Variants in CD209 observed in about 807,000 individuals in gnomAD.
The protein encoded by CD209 is CD209 antigen.
A neutral mutation model predicts 44.7 loss-of-function variants in CD209; 31 were observed. That is an observed-to-expected ratio of 0.69 (90% CI 0.52 to 0.94). The LOEUF (loss-of-function observed/expected upper bound fraction) is 0.94, where lower values mean the gene tolerates loss of function less well. Among genes scored for constraint, CD209 ranks in the 40% least tolerant of loss-of-function variants. The pLI is 0.00. For missense variants in CD209, 407 were observed against 452.4 expected, an observed-to-expected ratio of 0.90 and a Z score of 0.91; for synonymous variants, 173 against 181.3, an observed-to-expected ratio of 0.95 and a Z score of 0.37.
intron 5 of CD209, 113 bp downstream of exon 5, chr19:7,744,828 T>A (rs2146320601): frequency 2.8e-6 from 4 of 1,436,288 alleles, no homozygotes; most frequent in Non-Finnish European, 3.8e-6. Flanking sequence ...TTCTCCTCCC[T>A]TCTTTCCAAG....
rs1473858855 is a variant in CD209, at chr19:7,741,717, T to G, written c.*1322A>C. The G allele has an allele frequency of 1.5e-6, 1 of 661,580 alleles. No individual in the cohort carries two copies. The highest frequency in any genetic ancestry group is 2.8e-6 in the Non-Finnish European group (1 of 360,424). 41.0% of individuals were successfully genotyped at this position (661,580 alleles called of 1,614,324 possible). A position where few individuals can be genotyped will look rare whatever the true frequency, so the allele number is the denominator to read the frequency against. ...CGGTGGAAAATGATGATTTGTGGTT[T>G]ATTTGAAATACAACAATGTCCAAGA... On this transcript the variant is annotated 3_prime_UTR_variant, in exon 7 of 7. Transcript: ENST00000315599.
chr19:7,743,900 G>A (rs1460058374), intron 6 of CD209, among the ~76,000 whole-genome samples: 1 of 147,834 alleles, frequency 6.8e-6, no homozygotes, highest in Non-Finnish European at 1.5e-5. Flanking sequence ...CCGGTGGCAG[G>A]CTCCTCCTGC....
rs753986681 is a variant in CD209 at position 7,744,074 on chromosome 19, C to T, written c.1013+33G>A. 6 of 1,512,026 alleles carry T rather than the reference C, an allele frequency of 4.0e-6. No homozygotes were observed. In the South Asian group the frequency reaches 6.7e-5, roughly 17 times the overall value. 93.7% of individuals were successfully genotyped at this position (1,512,026 alleles called of 1,614,324 possible). On this transcript the variant is annotated intron_variant, in intron 6 of 6. Coordinates refer to ENST00000315599, the MANE Select transcript of CD209 (RefSeq NM_021155.4). Reference sequence around the variant, plus strand: ...CAAATCAGAGTTTCACAATTCCAGCCCCAGTGGATAGGGTGCCCCTTCTGA... The same window carrying T: ...CAAATCAGAGTTTCACAATTCCAGCTCCAGTGGATAGGGTGCCCCTTCTGA...
At chr19:7,745,491 C>A in intron 4 of CD209, 27 bp downstream of exon 4, 1 of 1,612,256 alleles carries the variant, frequency 6.2e-7, no homozygotes, top group South Asian at 1.1e-5. Context: ...ATCTCAGGCC[C>A]AAGAAGCCCT....
intron 6 of CD209, among the ~76,000 whole-genome samples, chr19:7,743,554 A>G (rs1002790776): frequency 6.6e-6 from 1 of 151,566 alleles, no homozygotes; most frequent in African/African-American, 2.4e-5. Context: ...TGTACTAATC[A>G]CCCCAAGGCC....
Position 7,745,077 on chromosome 19 carries a change from G to A in CD209, c.764C>T (p.Pro255Leu), listed in dbSNP as rs1000683602. 6.2e-7 allele frequency: 1 copy of A among 1,614,236 alleles called. No individual in the cohort carries two copies. Among genetic ancestry groups the A allele is most frequent in the Non-Finnish European group, 8.5e-7 (1 of 1,180,044 alleles). Residue 255 changes from proline (P) to leucine (L), a missense_variant, in exon 5 of 7, where the codon CCC becomes CTC. Transcript: ENST00000315599. ...LKAAVERLCH[P>L]CPWEWTFFQG... ...GAAGAATGTCCATTCCCAGGGACAG[G>A]GGTGGCACAGGCGTTCTGTTGGGGG...
At position 7,740,643 on chromosome 19, in the gene CD209, G is replaced by A. The variant is rs1210621372; in HGVS notation, c.*2396C>T. 1.2e-5 allele frequency: 9 copies of A among 781,394 alleles called. No individual in the cohort carries two copies. Among genetic ancestry groups the A allele is most frequent in the Non-Finnish European group, 1.9e-5 (8 of 421,436 alleles). The allele number at this position is 781,394 out of a possible 1,614,324, so 48.4% of individuals were successfully genotyped here. A position where few individuals can be genotyped will look rare whatever the true frequency, so the allele number is the denominator to read the frequency against. The stretch of plus-strand genomic sequence containing the variant: ...ACAACTAGAAAAGCTATGGGGAAGA[G>A]AGAGGCAAAGATTACATGAGGAGTG... On this transcript the variant is annotated 3_prime_UTR_variant, in exon 7 of 7. Coordinates refer to ENST00000315599, the MANE Select transcript of CD209 (RefSeq NM_021155.4).
Position 7,740,775 on chromosome 19 carries a change from G to A in CD209, c.*2264C>T. On this transcript the variant is annotated 3_prime_UTR_variant, in exon 7 of 7. Transcript: ENST00000315599. The stretch of plus-strand genomic sequence containing the variant: ...AGAGCGAAAGTTAAAGGAACAATGG[G>A]AAGAACAGCAGAGGAAAGAGAGAGA... 1 of 761,238 alleles carries A rather than the reference G, an allele frequency of 1.3e-6. No individual in the cohort carries two copies. The highest frequency in any genetic ancestry group is 2.5e-6 in the Non-Finnish European group (1 of 407,168). 47.2% of individuals were successfully genotyped at this position (761,238 alleles called of 1,614,324 possible).
In CD209 at chr19:7,744,292, T is replaced by C. The variant is rs61058460; in HGVS notation, c.901-73A>G. The C allele has an allele frequency of 0.011, 12,629 of 1,161,672 alleles. 466 individuals carry two copies. The African/African-American group carries it at 0.12, about 11-fold the overall frequency. 72.0% of individuals were successfully genotyped at this position (1,161,672 alleles called of 1,614,324 possible). ...CAGGCTCTGTCTCCCCATCTCTTGG[T>C]AGGAAGTTCTGCTTGTAGGCTAACC... is the stretch of plus-strand genomic sequence containing the variant. On this transcript the variant is annotated intron_variant, in intron 5 of 6. Transcript: ENST00000315599.
In CD209 at chr19:7,745,532, A is replaced by C. The variant is rs1475284258; in HGVS notation, c.734T>G (p.Leu245Arg). Residue 245 changes from leucine to arginine, a missense_variant, in exon 4 of 7, where the codon CTG becomes CGG. By Grantham distance (102) the Leu-to-Arg change is moderately radical (BLOSUM62 -2). Transcript: ENST00000315599. Reference sequence around the variant, plus strand: ...CAGATACTCACCCACTGCAGCCTTCAGCTGGGTCAGCTCCTGGTAGATCTC... The same window carrying C: ...CAGATACTCACCCACTGCAGCCTTCCGCTGGGTCAGCTCCTGGTAGATCTC... The part of the protein sequence containing the change: ...QQEIYQELTQ[L>R]KAAVERLCHP... 1.2e-6 allele frequency: 2 copies of C among 1,612,138 alleles called. No homozygotes were observed. The highest frequency in any genetic ancestry group is 4.5e-5 in the East Asian group (2 of 44,884).
At position 7,745,611 on chromosome 19, in the gene CD209, G is replaced by A; in HGVS notation, c.655C>T (p.Leu219=). The A allele has an allele frequency of 1.6e-6, 1 of 630,518 alleles. No homozygotes were observed. Among genetic ancestry groups the A allele is most frequent in the Non-Finnish European group, 2.8e-6 (1 of 357,666 alleles). 39.1% of individuals were successfully genotyped at this position (630,518 alleles called of 1,614,324 possible). Residue 219 remains leucine (L), a synonymous_variant, in exon 4 of 7, where the codon CTG becomes TTG. Transcript: ENST00000315599. ...CCCACTGCAGCCTTCAGCCGGGTCA[G>A]CTCCTGGTAGATCTCCTGCTGCTTA... The part of the protein sequence containing the change: ...KSKQQEIYQE[L]TRLKAAVGEL...
chr19:7,740,414 A>T lies in CD209; in HGVS notation c.*2625T>A. The T allele has an allele frequency of 1.6e-6, 1 of 635,954 alleles. No individual in the cohort carries two copies. The highest frequency in any genetic ancestry group is 2.9e-6 in the Non-Finnish European group (1 of 349,208). The allele number at this position is 635,954 out of a possible 1,614,324, so 39.4% of individuals were successfully genotyped here. On this transcript the variant is annotated 3_prime_UTR_variant, in exon 7 of 7. Coordinates refer to ENST00000315599, the MANE Select transcript of CD209 (RefSeq NM_021155.4). ...CTGCGGTTACAATGTTTACCAGTTT[A>T]TTATAAAGGATACAACTAGAGGGGC...
intron 5 of CD209, among the ~76,000 whole-genome samples, 195 bp downstream of exon 5, chr19:7,744,746 G>A (rs756993952): frequency 6.6e-6 from 1 of 152,092 alleles, no homozygotes; most frequent in Non-Finnish European, 1.5e-5. Context: ...GTTTTTTTCC[G>A]GAGCATTCAC....
rs201898991 is a variant in CD209, at chr19:7,743,218, C to T, written c.1036G>A (p.Gly346Arg). 9.9e-5 allele frequency: 160 copies of T among 1,614,034 alleles called. No individual in the cohort carries two copies. The highest frequency in any genetic ancestry group is 5.3e-4 in the South Asian group (48 of 91,088). Residue 346 changes from glycine (G) to arginine (R), a missense_variant, in exon 7 of 7, where the codon GGA becomes AGA. This residue lies in a region of CD209 where 200 missense variants were observed against 202.2 expected (regional missense o/e 0.99). Transcript: ENST00000315599. Reference sequence around the variant, plus strand: ...TCCTCCCCAACGTTGTTGGGCTCTCCTCTGTTCCAATACTGCTTGAAGCTG... The same window carrying T: ...TCCTCCCCAACGTTGTTGGGCTCTCTTCTGTTCCAATACTGCTTGAAGCTG... ...LPSFKQYWNR[G>R]EPNNVGEEDC...
Position 7,741,659 on chromosome 19 carries a change from C to A in CD209, c.*1380G>T. ...AACGGACGATGGTATGTACGCAGGA[C>A]GACAGCTTCAGTGTGAATTCTGCCC... On this transcript the variant is annotated 3_prime_UTR_variant, in exon 7 of 7. Coordinates refer to ENST00000315599, the MANE Select transcript of CD209 (RefSeq NM_021155.4). The A allele has an allele frequency of 1.1e-6, 1 of 869,704 alleles. No homozygotes were observed. The highest frequency in any genetic ancestry group is 1.9e-6 in the Non-Finnish European group (1 of 538,174). The allele number at this position is 869,704 out of a possible 1,614,324, so 53.9% of individuals were successfully genotyped here.
Position 7,743,023 on chromosome 19 carries a change from AG to A in CD209, c.*15del, listed in dbSNP as rs1006859713. On this transcript the variant is annotated 3_prime_UTR_variant, in exon 7 of 7. Coordinates refer to ENST00000315599, the MANE Select transcript of CD209 (RefSeq NM_021155.4). ...TGGAGAGAAGGAACTGTAGCTTAAAAGGGGGTGAAGTTCTGCTACGCAGGAG... is the reference window on the plus strand; with the variant it reads ...TGGAGAGAAGGAACTGTAGCTTAAAAGGGGTGAAGTTCTGCTACGCAGGAG... 3.2e-6 allele frequency: 5 copies of A among 1,571,626 alleles called. No individual in the cohort carries two copies. The highest frequency in any genetic ancestry group is 2.7e-5 in the African/African-American group (2 of 73,336).
chr19:7,741,332 C>T lies in CD209; in HGVS notation c.*1707G>A. 2 of 293,706 alleles carry T rather than the reference C, an allele frequency of 6.8e-6. No homozygotes were observed. The highest frequency in any genetic ancestry group is 1.3e-5 in the Non-Finnish European group (2 of 159,028). The allele number at this position is 293,706 out of a possible 1,614,324, so 18.2% of individuals were successfully genotyped here. A position where few individuals can be genotyped will look rare whatever the true frequency, so the allele number is the denominator to read the frequency against. ...CAAAAATACAAGAATTAGCTGGGCG[C>T]AGTGGTGCACGCCCAGCTAATTTTT... On this transcript the variant is annotated 3_prime_UTR_variant, in exon 7 of 7. Transcript: ENST00000315599.
intron 1 of CD209, 42 bp from the exon 2 acceptor site, chr19:7,747,407 G>A: frequency 6.2e-7 from 1 of 1,614,186 alleles, no homozygotes. Flanking sequence ...GCAGGCTGAG[G>A]CCATGGCTGG....
chr19:7,744,291 G>T, intron 5 of CD209, 72 bp from the exon 6 acceptor site: 2 of 1,189,052 alleles, frequency 1.7e-6, no homozygotes, highest in Non-Finnish European at 2.5e-6. Context: ...CCATCTCTTG[G>T]TAGGAAGTTC....
Sources: gnomAD v4.1 joint callset for allele counts (sites outside exome capture counted in the v4.1 genomes callset) on GRCh38, gnomAD v4.1.1 for gene constraint, gnomAD v4.1.1 regional missense constraint, MANE v1.5 for transcripts, NCBI Gene and HGNC (gene_info 2026-07-23, HGNC 2026-07-21) for gene names.